Variants in USP50 observed in about 807,000 individuals in gnomAD.
The protein encoded by USP50 is ubiquitin carboxyl-terminal hydrolase 50.
Under a neutral mutation model 39.2 loss-of-function variants are expected in USP50, and 37 were observed. The ratio of observed to expected loss-of-function variants is 0.94; its 90% CI spans 0.73 to 1.24. The LOEUF (loss-of-function observed/expected upper bound fraction) is 1.24, where lower values mean the gene tolerates loss of function less well. Ranked by LOEUF, USP50 falls within the 50% of genes most tolerant of loss-of-function variation. The pLI, the probability that USP50 is intolerant of heterozygous loss-of-function variation, is 0.00. For missense variants in USP50, 374 were observed against 398.2 expected, an observed-to-expected ratio of 0.94 and a Z score of 0.52; for synonymous variants, 139 against 144.5, an observed-to-expected ratio of 0.96 and a Z score of 0.27.
downstream of USP50, among the ~76,000 whole-genome samples, chr15:50,498,081 C>G (rs181472356): frequency 1.3e-5 from 2 of 152,176 alleles, no homozygotes; most frequent in East Asian, 3.9e-4. Flanking sequence ...TGAATATTTT[C>G]AAAATTATGA....
chr15:50,538,673 G>C (rs759353780), intron 5 of USP50, 36 bp downstream of exon 5: 3 of 1,538,028 alleles, frequency 2.0e-6, no homozygotes, highest in Non-Finnish European at 2.6e-6. Flanking sequence ...AAGGCTGTTC[G>C]AAAATATGTG....
chr15:50,541,105 C>A lies in USP50; in HGVS notation c.604G>T (p.Glu202Ter), dbSNP rs781201623. 3 of 1,613,734 alleles carry A rather than the reference C, an allele frequency of 1.9e-6. No individual in the cohort carries two copies. The Admixed American group carries it at 5.0e-5, about 27-fold the overall frequency. The change falls in exon 4 of 7, where the codon GAA (glutamate) becomes TAA (stop). Residue 202 changes from glutamate (E) to a stop codon, truncating the protein, a stop_gained. Transcript: ENST00000532404. LOFTEE classifies it high-confidence loss of function. ...GGGAGTGAGAAGACAGTGAAGACTT[C>A]GTTCTTGTAGGTGCATTTCTCACAC... The part of the protein sequence containing the change: ...LKCEKCTYKN[E>*]VFTVFSLPIP...
rs775364692 is a variant in USP50, at chr15:50,532,667, C to T, written c.804-2738G>A. Among the ~76,000 whole-genome samples the T allele has an allele frequency of 2.0e-5, 3 of 152,160 alleles. No individual in the cohort carries two copies. The East Asian group carries it at 5.8e-4, about 29-fold the overall frequency. On this transcript the variant is annotated intron_variant, in intron 5 of 6. Transcript: ENST00000532404. ...GACAGTAAGCATCAGAACCAGATAGCGCAGGGGTGTGGGAATTTTCAGACT... is the reference window on the plus strand; with the variant it reads ...GACAGTAAGCATCAGAACCAGATAGTGCAGGGGTGTGGGAATTTTCAGACT...
chr15:50,539,705 T>C (rs2053014026), intron 4 of USP50, among the ~76,000 whole-genome samples: 1 of 152,224 alleles, frequency 6.6e-6, no homozygotes, highest in Non-Finnish European at 1.5e-5. Context: ...TGAGCCTCCA[T>C]GCCCAGCTAC....
intron 4 of USP50, among the ~76,000 whole-genome samples, chr15:50,540,429 T>C (rs891698849): frequency 6.6e-6 from 1 of 152,212 alleles, no homozygotes; most frequent in South Asian, 2.1e-4. Flanking sequence ...CATAAACTTT[T>C]TGCAAGAAAT....
downstream of USP50, chr15:50,498,892 G>A (rs774284490): frequency 1.1e-5 from 17 of 1,574,638 alleles, no homozygotes; most frequent in Non-Finnish European, 1.3e-5. Flanking sequence ...TTTCTATCTT[G>A]TTTGGCACAG....
Position 50,516,674 on chromosome 15 carries a change from CAT to C in USP50, c.936+13121_936+13122del, listed in dbSNP as rs1458106086. On this transcript the variant is annotated intron_variant, in intron 6 of 6. Coordinates refer to ENST00000532404, the MANE Select transcript of USP50 (RefSeq NM_203494.5). ...CTAGCTACGAGAGGCAGTAGGGATA[CAT>C]ATAGACTGAAAGTGAAGAAATGGAA... is the stretch of plus-strand genomic sequence containing the variant. 2.0e-5 allele frequency among the ~76,000 whole-genome samples: 3 copies of C among 151,692 alleles called. No individual in the cohort carries two copies. In the East Asian group the frequency reaches 5.8e-4, roughly 29 times the overall value.
chr15:50,542,481 A>ATTTTTT (rs11292495), intron 3 of USP50, among the ~76,000 whole-genome samples: 18 of 97,398 alleles, frequency 1.8e-4, no homozygotes, highest in East Asian at 3.1e-4. Context: ...TTTCCTTTTC[A>ATTTTTT]TTTTTTTTTT....
intron 5 of USP50, among the ~76,000 whole-genome samples, chr15:50,537,542 G>T (rs1454013485): frequency 6.6e-6 from 1 of 151,642 alleles, no homozygotes; most frequent in Non-Finnish European, 1.5e-5. Flanking sequence ...GACACATCTG[G>T]TAAAGAACTG....
At chr15:50,517,574 T>C (rs551762357) in intron 6 of USP50, among the ~76,000 whole-genome samples, 1 of 152,152 alleles carries the variant, frequency 6.6e-6, no homozygotes, top group East Asian at 1.9e-4. Context: ...GGGAAATTCA[T>C]AAATATGTAG....
intron 6 of USP50, among the ~76,000 whole-genome samples, chr15:50,516,332 A>T (rs1240932564): frequency 6.6e-6 from 1 of 152,084 alleles, no homozygotes; most frequent in Non-Finnish European, 1.5e-5. Context: ...CCAGATGTGG[A>T]GGCTCACACC....
intron 5 of USP50, chr15:50,532,319 C>A: frequency 2.3e-6 from 1 of 428,838 alleles, no homozygotes; most frequent in Non-Finnish European, 4.7e-6. Context: ...TTAACCAGAG[C>A]CTAACCTGCT....
chr15:50,513,903 G>A (rs1255812370), intron 6 of USP50: 1 of 152,116 alleles, frequency 6.6e-6, no homozygotes, highest in African/African-American at 2.4e-5. Flanking sequence ...TGAACCAGGA[G>A]TTTCACTCCT....
At chr15:50,529,377 AC>A (rs34585175) in intron 6 of USP50, among the ~76,000 whole-genome samples, 10,851 of 150,888 alleles carry the variant, frequency 0.072, 500 homozygotes, top group South Asian at 0.12. Flanking sequence ...AATTGGTGGC[AC>A]ATGCCTGTAG....
At chr15:50,508,990 T>A (rs539854547) in intron 6 of USP50, 2 of 151,390 alleles carry the variant, frequency 1.3e-5, no homozygotes, top group African/African-American at 4.9e-5. Flanking sequence ...AAAAATTACC[T>A]GGGCACGGTG....
At chr15:50,516,355 AT>A (rs1385024289) in intron 6 of USP50, among the ~76,000 whole-genome samples, 1 of 152,188 alleles carries the variant, frequency 6.6e-6, no homozygotes, top group Non-Finnish European at 1.5e-5. Context: ...TAATCCCAGC[AT>A]TTTGGGAGCC....
chr15:50,499,730 C>T (rs184169176), downstream of USP50: 113 of 151,652 alleles, frequency 7.5e-4, no homozygotes, highest in African/African-American at 2.6e-3. Context: ...TTTTTTAAAA[C>T]GAGAATTTCA....
At chr15:50,520,223 C>A (rs1365432311) in intron 6 of USP50, among the ~76,000 whole-genome samples, 1 of 151,942 alleles carries the variant, frequency 6.6e-6, no homozygotes, top group Non-Finnish European at 1.5e-5. Context: ...GTGGGAGGAT[C>A]TCTTAAGCCC....
At chr15:50,541,403 C>G (rs1434666850) in intron 3 of USP50, 139 bp from the exon 4 acceptor site, 2 of 677,048 alleles carry the variant, frequency 3.0e-6, no homozygotes, top group Non-Finnish European at 4.9e-6. Context: ...GTGCCAGCTA[C>G]TTGGGAGGTT....
Sources: gnomAD v4.1 joint callset for allele counts (sites outside exome capture counted in the v4.1 genomes callset) on GRCh38, gnomAD v4.1.1 for gene constraint, MANE v1.5 for transcripts, NCBI Gene and HGNC (gene_info 2026-07-23, HGNC 2026-07-21) for gene names.